Variants in KCND2 observed in about 807,000 individuals in gnomAD.
KCND2 encodes the protein potassium voltage-gated channel subfamily D member 2.
A neutral mutation model predicts 54.4 loss-of-function variants in KCND2; 16 were observed. The observed-to-expected ratio is 0.29, with a 90% confidence interval of 0.20 to 0.45. The LOEUF (loss-of-function observed/expected upper bound fraction) is 0.45. Among genes scored for constraint, KCND2 ranks in the 20% least tolerant of loss-of-function variants. The pLI is 1.00. For synonymous variants in KCND2, 317 were observed against 310.7 expected (o/e 1.02, Z -0.21); for missense variants, 486 against 824.2 (o/e 0.59, Z 5.02).
At position 120,479,331 on chromosome 7, in the gene KCND2, G is replaced by A. The variant is rs550338239; in HGVS notation, c.1115+203584G>A. On this transcript the variant is annotated intron_variant, in intron 1 of 5. Coordinates refer to ENST00000331113, the MANE Select transcript of KCND2 (RefSeq NM_012281.3). ...GAACATACTCTTAGAGTTTAAAAAG[G>A]TAATATTTATATTTCAATTAAACAT... Among the ~76,000 whole-genome samples the A allele has an allele frequency of 2.6e-4, 40 of 151,814 alleles. No individual in the cohort carries two copies. In the South Asian group the frequency reaches 7.9e-3, roughly 30 times the overall value.
At chr7:120,524,259 TGAG>T (rs1224434652) in intron 1 of KCND2, among the ~76,000 whole-genome samples, 1 of 151,002 alleles carries the variant, frequency 6.6e-6, no homozygotes, top group Non-Finnish European at 1.5e-5. Context: ...AAGCCAAAAT[TGAG>T]GAGAACAACT....
chr7:120,664,835 T>G (rs960643746), intron 1 of KCND2, among the ~76,000 whole-genome samples: 1 of 152,108 alleles, frequency 6.6e-6, no homozygotes, highest in African/African-American at 2.4e-5. Context: ...GTAGGCGAGA[T>G]GTGTGGCGTT....
chr7:120,295,044 A>G (rs1799488463), intron 1 of KCND2, among the ~76,000 whole-genome samples: 1 of 151,868 alleles, frequency 6.6e-6, no homozygotes, highest in Admixed American at 6.6e-5. Flanking sequence ...ATGAAAATAC[A>G]CAGTATTTTA....
chr7:120,523,706 G>C (rs894039796), intron 1 of KCND2, among the ~76,000 whole-genome samples: 1,725 of 37,398 alleles, frequency 0.046, 32 homozygotes, highest in African/African-American at 0.18. Context: ...CACACACTCT[G>C]TGTGTGTGTG....
intron 1 of KCND2, among the ~76,000 whole-genome samples, chr7:120,451,791 G>A (rs1367047848): frequency 6.6e-6 from 1 of 152,124 alleles, no homozygotes; most frequent in Non-Finnish European, 1.5e-5. Flanking sequence ...GTTGTAACTC[G>A]TGTGTTCTCA....
rs1454376016 is a variant in KCND2 at position 120,273,418 on chromosome 7, G to A, written c.-1215G>A. 6.3e-5 allele frequency among the ~76,000 whole-genome samples: 9 copies of A among 141,776 alleles called. No individual in the cohort carries two copies. The highest frequency in any genetic ancestry group is 1.2e-4 in the Non-Finnish European group (8 of 64,608). The allele number at this position is 141,776 out of a possible 152,430, so 93.0% of individuals were successfully genotyped here. On this transcript the variant is annotated 5_prime_UTR_variant, in exon 1 of 6. Coordinates refer to ENST00000331113, the MANE Select transcript of KCND2 (RefSeq NM_012281.3). ...CCAACGCCGCCCGCCCGGCCGCCCC[G>A]CAGCCCCGCCGCCCCGCAGCCCCGC...
At chr7:120,693,361 T>C (rs1253121014) in intron 1 of KCND2, among the ~76,000 whole-genome samples, 1 of 152,228 alleles carries the variant, frequency 6.6e-6, no homozygotes, top group Non-Finnish European at 1.5e-5. Flanking sequence ...CTTTGATTAA[T>C]GTTTGTCTGT....
At position 120,639,361 on chromosome 7, in the gene KCND2, A is replaced by C. The variant is rs181772045; in HGVS notation, c.1116-93542A>C. On this transcript the variant is annotated intron_variant, in intron 1 of 5. Transcript: ENST00000331113. The stretch of plus-strand genomic sequence containing the variant: ...TTTATGTAACAAAGAACAAAGCTTA[A>C]GAAATAGTACAGCTGGTCTTTTATA... Among the ~76,000 whole-genome samples, 157 of 152,308 alleles carry C rather than the reference A, an allele frequency of 1.0e-3. 1 individual carries two copies. The highest frequency in any genetic ancestry group is 3.7e-3 in the African/African-American group (153 of 41,574).
At position 120,746,019 on chromosome 7, in the gene KCND2, G is replaced by A; in HGVS notation, c.1707G>A (p.Leu569=). ...TCAGATGTGTGGAGAGAACACCTCT[G>A]TCTAACAGGTACCTGAGATTAATCT... ...IQIRCVERTP[L]SNSRSSLNAK... The change falls in exon 5 of 6, where the codon CTG becomes CTA. Residue 569 remains leucine (L), a synonymous_variant. Transcript: ENST00000331113. The A allele has an allele frequency of 4.3e-6, 7 of 1,613,122 alleles. No individual in the cohort carries two copies. Among genetic ancestry groups the A allele is most frequent in the Non-Finnish European group, 5.9e-6 (7 of 1,179,666 alleles).
At chr7:120,451,776 G>T (rs1296314234) in intron 1 of KCND2, among the ~76,000 whole-genome samples, 2 of 152,124 alleles carry the variant, frequency 1.3e-5, no homozygotes, top group Admixed American at 6.5e-5. Flanking sequence ...CACCATCCTG[G>T]TGCTGTTGTA....
intron 1 of KCND2, among the ~76,000 whole-genome samples, chr7:120,311,836 T>C (rs555451191): frequency 6.6e-6 from 1 of 152,318 alleles, no homozygotes; most frequent in African/African-American, 2.4e-5. Context: ...TTTCTGTTCC[T>C]GTGTTAGTTT....
At chr7:120,446,368 C>T (rs144770562) in intron 1 of KCND2, among the ~76,000 whole-genome samples, 2 of 152,222 alleles carry the variant, frequency 1.3e-5, no homozygotes, top group East Asian at 3.9e-4. Context: ...GCAGTTGATC[C>T]TTAACAAATA....
chr7:120,312,629 A>G (rs903501718), intron 1 of KCND2, among the ~76,000 whole-genome samples: 5 of 152,180 alleles, frequency 3.3e-5, no homozygotes, highest in African/African-American at 9.6e-5. Flanking sequence ...TCAAAGAATT[A>G]CTTGAATTCT....
intron 1 of KCND2, among the ~76,000 whole-genome samples, chr7:120,493,340 T>C (rs555754678): frequency 1.1e-4 from 17 of 152,034 alleles, no homozygotes; most frequent in African/African-American, 4.1e-4. Context: ...GAATTTTTGG[T>C]AAAAGGAACA....
intron 1 of KCND2, among the ~76,000 whole-genome samples, chr7:120,667,548 G>A (rs1011161671): frequency 1.3e-5 from 2 of 151,978 alleles, no homozygotes; most frequent in Admixed American, 1.3e-4. Flanking sequence ...TATGTCATAA[G>A]AATCTAGGAA....
intron 1 of KCND2, among the ~76,000 whole-genome samples, chr7:120,710,952 G>A (rs930059355): frequency 1.3e-4 from 20 of 151,802 alleles, no homozygotes; most frequent in African/African-American, 4.4e-4. Context: ...CAGTATATTC[G>A]TATGCCCTTG....
At chr7:120,644,941 A>G (rs892620769) in intron 1 of KCND2, among the ~76,000 whole-genome samples, 8 of 152,106 alleles carry the variant, frequency 5.3e-5, no homozygotes, top group African/African-American at 1.9e-4. Context: ...TTATGTGTTG[A>G]TGGAGTTTTT....
chr7:120,305,254 T>A (rs1471693283), intron 1 of KCND2, among the ~76,000 whole-genome samples: 1 of 152,162 alleles, frequency 6.6e-6, no homozygotes, highest in Non-Finnish European at 1.5e-5. Context: ...TTCAAACTGT[T>A]CTGTTGAAAA....
intron 1 of KCND2, among the ~76,000 whole-genome samples, chr7:120,323,053 A>C (rs575191014): frequency 6.6e-6 from 1 of 152,200 alleles, no homozygotes; most frequent in East Asian, 1.9e-4. Context: ...ATAGGTATAC[A>C]TGTGCTATGG....
Sources: allele counts gnomAD v4.1 joint callset (sites outside exome capture counted in the v4.1 genomes callset), GRCh38; gene constraint gnomAD v4.1.1; transcripts MANE v1.5; gene names NCBI Gene and HGNC (gene_info 2026-07-23, HGNC 2026-07-21).